The following TAF4B variants were observed in gnomAD, a reference collection of about 807,000 sequenced individuals.
TAF4B encodes transcription initiation factor TFIID subunit 4B.
Under a neutral mutation model 86.4 loss-of-function variants are expected in TAF4B, and 38 were observed. The ratio of observed to expected loss-of-function variants is 0.44; its 90% CI spans 0.34 to 0.58. The LOEUF (loss-of-function observed/expected upper bound fraction) is 0.58, where lower values mean the gene tolerates loss of function less well. TAF4B is among the 20% of genes least tolerant of loss of function. The pLI, the probability that TAF4B is intolerant of heterozygous loss-of-function variation, is 0.02. For missense variants in TAF4B, 988 were observed against 1,027.6 expected (o/e 0.96, Z 0.53); for synonymous variants, 388 against 391.2 (o/e 0.99, Z 0.10).
At chr18:26,249,793 G>T (rs2055978249) in intron 1 of TAF4B, among the ~76,000 whole-genome samples, 1 of 152,112 alleles carries the variant, frequency 6.6e-6, no homozygotes. Context: ...CATGACCTCA[G>T]TTCATTATAA....
intron 3 of TAF4B, among the ~76,000 whole-genome samples, chr18:26,272,034 C>A (rs1256959084): frequency 6.6e-6 from 1 of 151,904 alleles, no homozygotes; most frequent in East Asian, 1.9e-4. Flanking sequence ...TTAGCAGGCC[C>A]CCATCTCACA....
At chr18:26,362,571 G>C (rs565818704) in intron 14 of TAF4B, among the ~76,000 whole-genome samples, 1 of 152,100 alleles carries the variant, frequency 6.6e-6, no homozygotes, top group Non-Finnish European at 1.5e-5. Context: ...GGAGAAAACC[G>C]AATGTGCTGT....
chr18:26,262,952 T>A lies in TAF4B; in HGVS notation c.344-2218T>A, dbSNP rs868013674. Among the ~76,000 whole-genome samples, 101 of 152,276 alleles carry A rather than the reference T, an allele frequency of 6.6e-4. 1 individual carries two copies. Among genetic ancestry groups the A allele is most frequent in the African/African-American group, 2.2e-3 (91 of 41,558 alleles). ...TTTGACACAAAAGACTTTTTTTTTT[T>A]TAAAAGATTTTATTTAGAGACAGTG... On this transcript the variant is annotated intron_variant, in intron 1 of 14. Coordinates refer to ENST00000269142, the MANE Select transcript of TAF4B (RefSeq NM_005640.3).
At chr18:26,335,748 T>A (rs928939476) in intron 13 of TAF4B, among the ~76,000 whole-genome samples, 1 of 152,178 alleles carries the variant, frequency 6.6e-6, no homozygotes, top group Non-Finnish European at 1.5e-5. Flanking sequence ...GGGGTTTTAG[T>A]TTATAGCTTA....
chr18:26,295,858 A>G (rs1260921549), intron 9 of TAF4B, among the ~76,000 whole-genome samples: 2 of 152,090 alleles, frequency 1.3e-5, no homozygotes, highest in East Asian at 3.8e-4. Flanking sequence ...GTTTTGCCCT[A>G]GAATATGTTG....
intron 1 of TAF4B, among the ~76,000 whole-genome samples, chr18:26,246,848 T>G (rs1432635574): frequency 6.6e-6 from 1 of 151,644 alleles, no homozygotes; most frequent in African/African-American, 2.4e-5. Flanking sequence ...TCATTCTTTT[T>G]TTTTTCTTTT....
chr18:26,387,242 A>AT (rs1978426344), intron 14 of TAF4B, among the ~76,000 whole-genome samples: 1 of 151,874 alleles, frequency 6.6e-6, no homozygotes, highest in African/African-American at 2.4e-5. Flanking sequence ...ATTTTTATTT[A>AT]TTTTTTGTTA....
At chr18:26,323,512 A>G (rs1473040805) in intron 11 of TAF4B, among the ~76,000 whole-genome samples, 1 of 128,324 alleles carries the variant, frequency 7.8e-6, no homozygotes, top group South Asian at 2.6e-4. Flanking sequence ...GGCGTGTGCC[A>G]CCACACCCAA....
chr18:26,346,887 A>ATATGTGTGTG (rs1567914246), intron 13 of TAF4B, among the ~76,000 whole-genome samples: 5 of 12,900 alleles, frequency 3.9e-4, no homozygotes, highest in Non-Finnish European at 1.2e-3. Flanking sequence ...GTATATATAT[A>ATATGTGTGTG]TATATATATA....
At chr18:26,351,317 G>C (rs1032552773) in intron 13 of TAF4B, among the ~76,000 whole-genome samples, 2 of 152,092 alleles carry the variant, frequency 1.3e-5, no homozygotes, top group Admixed American at 1.3e-4. Flanking sequence ...AAACAAAGTT[G>C]GTCTCATAGA....
At chr18:26,307,966 CG>C (rs534111322) in intron 9 of TAF4B, among the ~76,000 whole-genome samples, 99 of 152,014 alleles carry the variant, frequency 6.5e-4, no homozygotes, top group African/African-American at 2.3e-3. Context: ...AAAAATGAGC[CG>C]GGTGTGGTGG....
At chr18:26,331,653 C>T (rs2057051598) in intron 12 of TAF4B, among the ~76,000 whole-genome samples, 1 of 152,168 alleles carries the variant, frequency 6.6e-6, no homozygotes, top group Non-Finnish European at 1.5e-5. Context: ...ATCTTTAACT[C>T]CATTCTGTGT....
intron 14 of TAF4B, among the ~76,000 whole-genome samples, chr18:26,370,702 G>A (rs935247931): frequency 1.3e-5 from 2 of 152,156 alleles, no homozygotes; most frequent in Non-Finnish European, 2.9e-5. Context: ...GATCCTAAGG[G>A]TGTAGGTTCA....
chr18:26,293,447 C>T lies in TAF4B; in HGVS notation c.1748C>T (p.Thr583Ile), dbSNP rs1259937038. ...FPPASILKQI[T>I]LPGNKILSLQ... Reference sequence around the variant, plus strand: ...ATAGCTTCCATTCTAAAGCAAATTACTCTGCCTGGAAATAAAATTCTGTCA... The same window carrying T: ...ATAGCTTCCATTCTAAAGCAAATTATTCTGCCTGGAAATAAAATTCTGTCA... Residue 583 changes from threonine to isoleucine, a missense_variant, in exon 9 of 15, where the codon ACT (threonine) becomes ATT (isoleucine). Around this residue, in one of 3 missense-constraint regions of TAF4B, gnomAD observed 747 missense variants for 737.9 expected, o/e 1.01. Transcript: ENST00000269142. 7.5e-6 allele frequency: 12 copies of T among 1,595,396 alleles called. No individual in the cohort carries two copies. The highest frequency in any genetic ancestry group is 1.0e-5 in the Non-Finnish European group (12 of 1,174,910).
At chr18:26,318,680 G>C (rs2056934628) in intron 10 of TAF4B, among the ~76,000 whole-genome samples, 1 of 152,016 alleles carries the variant, frequency 6.6e-6, no homozygotes, top group African/African-American at 2.4e-5. Context: ...GTTAAAAAGG[G>C]TGTTTTGTTT....
At chr18:26,239,504 T>G (rs555677890) in intron 1 of TAF4B, among the ~76,000 whole-genome samples, 33 of 152,332 alleles carry the variant, frequency 2.2e-4, no homozygotes, top group African/African-American at 6.5e-4. Flanking sequence ...GTCAGATGGG[T>G]AGATTGTAAA....
At chr18:26,326,994 C>T (rs760148441) in intron 11 of TAF4B, 21 bp from the exon 12 acceptor site, 1 of 1,608,372 alleles carries the variant, frequency 6.2e-7, no homozygotes, top group Non-Finnish European at 8.5e-7. Flanking sequence ...ATAAGACTTT[C>T]TGTTTTCTTT....
At chr18:26,234,831 T>C (rs1337039688) in intron 1 of TAF4B, among the ~76,000 whole-genome samples, 1 of 152,224 alleles carries the variant, frequency 6.6e-6, no homozygotes, top group Non-Finnish European at 1.5e-5. Context: ...GCCTGGTATC[T>C]AAGCAGGCAG....
chr18:26,240,142 G>C (rs886418968), intron 1 of TAF4B, among the ~76,000 whole-genome samples: 3 of 152,216 alleles, frequency 2.0e-5, no homozygotes, highest in Non-Finnish European at 4.4e-5. Context: ...TTGGTAGCTT[G>C]ATGGGGATGG....
Sources: gnomAD v4.1 joint callset for allele counts (sites outside exome capture counted in the v4.1 genomes callset) on GRCh38, gnomAD v4.1.1 for gene constraint, gnomAD v4.1.1 regional missense constraint, MANE v1.5 for transcripts, NCBI Gene and HGNC (gene_info 2026-07-23, HGNC 2026-07-21) for gene names.